Variants in PCDH9 observed in about 807,000 individuals in gnomAD.
PCDH9 encodes the protein protocadherin 9.
PCDH9 carries 24 observed loss-of-function variants against 70.6 expected under a neutral mutation model. The observed-to-expected ratio is 0.34, with a 90% CI of 0.25 to 0.48. The LOEUF is 0.48. PCDH9 is among the 20% of genes least tolerant of loss of function. The pLI is 0.99. For missense variants in PCDH9, 1,281 were observed against 1,503.6 expected (o/e 0.85, Z 2.45); for synonymous variants, 562 against 558.5 (o/e 1.01, Z -0.09).
At chr13:66,879,242 A>G (rs1031775778) in intron 3 of PCDH9, among the ~76,000 whole-genome samples, 3 of 152,170 alleles carry the variant, frequency 2.0e-5, no homozygotes, top group Middle Eastern at 3.2e-3. Context: ...ATGTAGTAGG[A>G]ATTCCCACTT....
chr13:66,961,614 T>C (rs972874681), intron 2 of PCDH9, among the ~76,000 whole-genome samples: 3 of 152,132 alleles, frequency 2.0e-5, no homozygotes, highest in Non-Finnish European at 4.4e-5. Context: ...AGCAACATAG[T>C]GAGTCCCCAT....
At chr13:66,735,177 T>A (rs1030456429) in intron 3 of PCDH9, among the ~76,000 whole-genome samples, 7 of 152,296 alleles carry the variant, frequency 4.6e-5, no homozygotes, top group African/African-American at 1.7e-4. Context: ...ATCAGCTAAT[T>A]AGGGCAGCTG....
At chr13:66,642,323 G>T (rs1367042814) in intron 3 of PCDH9, among the ~76,000 whole-genome samples, 1 of 151,894 alleles carries the variant, frequency 6.6e-6, no homozygotes, top group African/African-American at 2.4e-5. Context: ...TCCAAAAAAG[G>T]CCTTTTTGGC....
chr13:66,500,855 A>C (rs1462491449), intron 4 of PCDH9, among the ~76,000 whole-genome samples: 1 of 152,154 alleles, frequency 6.6e-6, no homozygotes, highest in African/African-American at 2.4e-5. Flanking sequence ...ATTACAAATG[A>C]AATACACTCT....
chr13:66,434,384 T>C (rs1453406237), intron 4 of PCDH9, among the ~76,000 whole-genome samples: 1 of 152,032 alleles, frequency 6.6e-6, no homozygotes, highest in Non-Finnish European at 1.5e-5. Context: ...TTCAAATGAA[T>C]TGTCCATTAA....
chr13:67,098,853 C>A (rs2086375939), intron 2 of PCDH9, among the ~76,000 whole-genome samples: 1 of 151,704 alleles, frequency 6.6e-6, no homozygotes, highest in African/African-American at 2.4e-5. Context: ...TAGCAAAAAA[C>A]ACAGCAGTGA....
chr13:66,330,159 G>A (rs975037935), intron 4 of PCDH9, among the ~76,000 whole-genome samples: 2 of 152,208 alleles, frequency 1.3e-5, no homozygotes, highest in Non-Finnish European at 2.9e-5. Context: ...TCATATAGAA[G>A]TCTGTTCAGT....
intron 4 of PCDH9, among the ~76,000 whole-genome samples, chr13:66,374,219 G>C (rs982915308): frequency 2.6e-5 from 4 of 151,926 alleles, no homozygotes; most frequent in Admixed American, 6.6e-5. Flanking sequence ...TAATTCAACT[G>C]TAAAATCCAA....
chr13:67,118,297 G>A (rs1015681534), intron 2 of PCDH9, among the ~76,000 whole-genome samples: 1 of 152,106 alleles, frequency 6.6e-6, no homozygotes, highest in Non-Finnish European at 1.5e-5. Context: ...CTTTTATTCA[G>A]TGTTCTAGTT....
chr13:66,437,138 G>A (rs1408119802), intron 4 of PCDH9, among the ~76,000 whole-genome samples: 6 of 151,120 alleles, frequency 4.0e-5, no homozygotes, highest in African/African-American at 9.7e-5. Flanking sequence ...AAAACAGGCC[G>A]GGCTCATACC....
intron 2 of PCDH9, among the ~76,000 whole-genome samples, chr13:67,063,989 G>T (rs897012008): frequency 2.0e-5 from 3 of 152,102 alleles, no homozygotes; most frequent in African/African-American, 7.2e-5. Flanking sequence ...AAAGAAATAG[G>T]ATACTCCACT....
intron 3 of PCDH9, among the ~76,000 whole-genome samples, chr13:66,797,729 T>C (rs2080265899): frequency 6.6e-6 from 1 of 152,136 alleles, no homozygotes; most frequent in Non-Finnish European, 1.5e-5. Flanking sequence ...ATAGAGTATG[T>C]GCATTTAAAT....
At chr13:66,813,838 A>C (rs955230629) in intron 3 of PCDH9, among the ~76,000 whole-genome samples, 1 of 152,194 alleles carries the variant, frequency 6.6e-6, no homozygotes, top group Non-Finnish European at 1.5e-5. Flanking sequence ...TTCAGGTTCA[A>C]AAATAACCTA....
intron 3 of PCDH9, among the ~76,000 whole-genome samples, chr13:66,870,693 A>G (rs1594181821): frequency 6.6e-6 from 1 of 152,194 alleles, no homozygotes; most frequent in African/African-American, 2.4e-5. Context: ...GTGAGATACC[A>G]TCTCACACCA....
intron 2 of PCDH9, chr13:67,221,432 T>G (rs1424992635): frequency 2.6e-5 from 4 of 152,086 alleles, no homozygotes; most frequent in Non-Finnish European, 5.9e-5. Flanking sequence ...TGTATACACT[T>G]AAGTACAGCA....
At chr13:66,863,110 C>T (rs908898842) in intron 3 of PCDH9, among the ~76,000 whole-genome samples, 1 of 151,818 alleles carries the variant, frequency 6.6e-6, no homozygotes, top group African/African-American at 2.4e-5. Context: ...TACTCAGAGG[C>T]GAATTTAAAT....
chr13:66,623,502 G>A (rs1235980611), intron 4 of PCDH9, among the ~76,000 whole-genome samples: 1 of 152,016 alleles, frequency 6.6e-6, no homozygotes, highest in Non-Finnish European at 1.5e-5. Context: ...GCCTGGGCAC[G>A]ATCATAGCTT....
intron 4 of PCDH9, among the ~76,000 whole-genome samples, chr13:66,349,648 A>C (rs541830458): frequency 1.5e-4 from 23 of 152,294 alleles, no homozygotes; most frequent in African/African-American, 4.3e-4. Context: ...AATAGGAGAC[A>C]GCACTGAAGA....
At chr13:66,463,807 C>T (rs55816424) in intron 4 of PCDH9, among the ~76,000 whole-genome samples, 14,007 of 151,764 alleles carry the variant, frequency 0.092, 662 homozygotes, top group South Asian at 0.12. Flanking sequence ...AAAACCATCA[C>T]ATTTTCCTCA....
Sources: gnomAD v4.1 joint callset for allele counts (sites outside exome capture counted in the v4.1 genomes callset) on GRCh38, gnomAD v4.1.1 for gene constraint, MANE v1.5 for transcripts, NCBI Gene and HGNC (gene_info 2026-07-23, HGNC 2026-07-21) for gene names.